Variants in PPFIBP2 observed in about 807,000 individuals in gnomAD.
PPFIBP2 encodes PPFIB scaffold protein 2.
Under a neutral mutation model 118.3 loss-of-function variants are expected in PPFIBP2, and 118 were observed. The ratio of observed to expected loss-of-function variants is 1.00; its 90% CI spans 0.86 to 1.16. PPFIBP2 has a LOEUF of 1.16. PPFIBP2 is among the 50% of genes most tolerant of loss of function. The pLI, the probability that PPFIBP2 is intolerant of heterozygous loss-of-function variation, is 0.00. For missense variants in PPFIBP2, 1,195 were observed against 1,073.1 expected, an observed-to-expected ratio of 1.11 and a Z score of -1.59; for synonymous variants, 414 against 397.4, an observed-to-expected ratio of 1.04 and a Z score of -0.50.
the PPFIBP2 span, among the ~76,000 whole-genome samples, chr11:7,662,723 G>T: frequency 1.3e-5 from 2 of 150,636 alleles, no homozygotes; most frequent in South Asian, 4.3e-4. Flanking sequence ...AGTTCTCCTG[G>T]ATAATATCCT....
chr11:7,563,189 C>G (rs1237076844), intron 2 of PPFIBP2, among the ~76,000 whole-genome samples: 1 of 152,010 alleles, frequency 6.6e-6, no homozygotes, highest in African/African-American at 2.4e-5. Flanking sequence ...CTGACTCACT[C>G]TTCCCACATT....
intron 1 of PPFIBP2, among the ~76,000 whole-genome samples, chr11:7,541,315 G>A (rs1851751154): frequency 1.3e-5 from 2 of 152,198 alleles, no homozygotes; most frequent in Non-Finnish European, 2.9e-5. Flanking sequence ...AGGGCTGTTC[G>A]GAGGAGGGTA....
intron 5 of PPFIBP2, among the ~76,000 whole-genome samples, chr11:7,608,726 T>C (rs1847709873): frequency 6.6e-6 from 1 of 152,256 alleles, no homozygotes; most frequent in African/African-American, 2.4e-5. Context: ...TACTCTCTCT[T>C]GGCCTGTTTC....
chr11:7,605,597 T>G (rs1847242691), intron 5 of PPFIBP2: 2 of 646,246 alleles, frequency 3.1e-6, no homozygotes, highest in South Asian at 1.3e-4. Flanking sequence ...AGGGATGAGA[T>G]CCCATGAGGA....
the PPFIBP2 span, chr11:7,665,527 G>C: frequency 6.2e-7 from 1 of 1,609,100 alleles, no homozygotes. Flanking sequence ...CAGTAACGAA[G>C]CCTGAGCTGT....
chr11:7,526,672 A>C (rs1459142663), intron 1 of PPFIBP2, among the ~76,000 whole-genome samples: 1 of 152,082 alleles, frequency 6.6e-6, no homozygotes, highest in Non-Finnish European at 1.5e-5. Flanking sequence ...GGAGATTGAG[A>C]CCATCCTGGC....
intron 3 of PPFIBP2, among the ~76,000 whole-genome samples, chr11:7,587,180 A>G (rs983653271): frequency 7.9e-5 from 12 of 152,204 alleles, no homozygotes; most frequent in African/African-American, 2.7e-4. Context: ...AAAGCCATCT[A>G]TTCCACACAC....
intron 1 of PPFIBP2, among the ~76,000 whole-genome samples, chr11:7,537,205 A>T (rs999572607): frequency 3.9e-5 from 6 of 152,226 alleles, no homozygotes; most frequent in Non-Finnish European, 7.3e-5. Flanking sequence ...GGGCAGCTTC[A>T]TTCGCTGTCA....
chr11:7,642,215 A>G, intron 16 of PPFIBP2, 83 bp from the exon 17 acceptor site: 6 of 1,538,502 alleles, frequency 3.9e-6, no homozygotes, highest in Non-Finnish European at 5.3e-6. Context: ...GCTGGCCTGC[A>G]TGGCCTTGCA....
intron 3 of PPFIBP2, among the ~76,000 whole-genome samples, chr11:7,573,289 G>A (rs944988235): frequency 5.3e-5 from 8 of 152,062 alleles, no homozygotes; most frequent in Admixed American, 2.0e-4. Context: ...CCTAACCCAG[G>A]GATTAGCAAA....
At position 7,653,678 on chromosome 11, in the gene PPFIBP2, G is replaced by A; in HGVS notation, c.*460G>A. The A allele has an allele frequency of 1.6e-6, 2 of 1,289,238 alleles. No individual in the cohort carries two copies. The highest frequency in any genetic ancestry group is 2.0e-6 in the Non-Finnish European group (2 of 989,246). 79.9% of individuals were successfully genotyped at this position (1,289,238 alleles called of 1,614,324 possible). On this transcript the variant is annotated 3_prime_UTR_variant, in exon 24 of 24. Transcript: ENST00000299492. ...ATGAGCAACAGGGACTTCTGCCACAGTGACAATGGAATTGTGTTGTGCCTT... is the reference window on the plus strand; with the variant it reads ...ATGAGCAACAGGGACTTCTGCCACAATGACAATGGAATTGTGTTGTGCCTT...
chr11:7,643,616 G>T (rs1019239934), intron 17 of PPFIBP2, among the ~76,000 whole-genome samples: 2 of 152,220 alleles, frequency 1.3e-5, no homozygotes, highest in Non-Finnish European at 2.9e-5. Context: ...GGTGCAAAAT[G>T]AATTTGCTCG....
At chr11:7,518,690 A>T (rs1849455519) in intron 1 of PPFIBP2, among the ~76,000 whole-genome samples, 1 of 152,188 alleles carries the variant, frequency 6.6e-6, no homozygotes, top group Non-Finnish European at 1.5e-5. Context: ...ACTCCCTGAT[A>T]TAAGAGGTAG....
chr11:7,640,568 G>T (rs1343217633), intron 15 of PPFIBP2, among the ~76,000 whole-genome samples: 2 of 152,220 alleles, frequency 1.3e-5, no homozygotes, highest in African/African-American at 2.4e-5. Context: ...TCCCTGAGCT[G>T]GCCCATGCAT....
intron 1 of PPFIBP2, among the ~76,000 whole-genome samples, chr11:7,537,945 C>T (rs1005501281): frequency 9.7e-5 from 13 of 134,276 alleles, no homozygotes; most frequent in African/African-American, 3.6e-4. Context: ...CTGGTTTACC[C>T]TAATCAGTGC....
chr11:7,641,987 C>A, intron 16 of PPFIBP2: 1 of 399,438 alleles, frequency 2.5e-6, no homozygotes, highest in East Asian at 4.5e-5. Context: ...CCTTTGAAAG[C>A]CAAGTACTTG....
intron 4 of PPFIBP2, among the ~76,000 whole-genome samples, chr11:7,596,391 T>C (rs548112475): frequency 3.5e-5 from 2 of 56,502 alleles, no homozygotes; most frequent in South Asian, 1.1e-3. Flanking sequence ...CCGTTCTTGT[T>C]TTTTTTTTTT....
intron 8 of PPFIBP2, among the ~76,000 whole-genome samples, chr11:7,626,735 A>G (rs1474948902): frequency 6.6e-6 from 1 of 152,236 alleles, no homozygotes; most frequent in African/African-American, 2.4e-5. Context: ...AAGTGATCAT[A>G]CACCTTTCAA....
At chr11:7,607,182 T>C (rs1288194981) in intron 5 of PPFIBP2, among the ~76,000 whole-genome samples, 2 of 149,776 alleles carry the variant, frequency 1.3e-5, no homozygotes, top group Non-Finnish European at 3.0e-5. Flanking sequence ...AGTGCTGGGA[T>C]TACAGGCGTG....
Sources: allele counts gnomAD v4.1 joint callset (sites outside exome capture counted in the v4.1 genomes callset), GRCh38; gene constraint gnomAD v4.1.1; transcripts MANE v1.5; gene names NCBI Gene and HGNC (gene_info 2026-07-23, HGNC 2026-07-21).